PIK3C2G: variants seen among roughly 807,000 people sequenced by gnomAD.
PIK3C2G encodes the protein phosphatidylinositol-4-phosphate 3-kinase catalytic subunit type 2 gamma.
Under a neutral mutation model 181.1 loss-of-function variants are expected in PIK3C2G, and 168 were observed. The observed-to-expected ratio is 0.93, with a 90% CI of 0.82 to 1.05. The LOEUF (loss-of-function observed/expected upper bound fraction) is 1.05. Among genes scored for constraint, PIK3C2G ranks in the 50% least tolerant of loss-of-function variants. The probability of loss-of-function intolerance (pLI) is 0.00; values close to 1 mark genes in which losing one functional copy is unlikely to be tolerated. For missense variants in PIK3C2G, 1,869 were observed against 1,732.8 expected (o/e 1.08, Z -1.40); for synonymous variants, 573 against 592.2 (o/e 0.97, Z 0.47).
At chr12:18,340,719 CATGTTTAAAACAGAAAAATAAAATAATTT>C (rs1204284794) in intron 9 of PIK3C2G, among the ~76,000 whole-genome samples, 1 of 152,098 alleles carries the variant, frequency 6.6e-6, no homozygotes, top group Non-Finnish European at 1.5e-5. Context: ...TAATTTTCCT[CATGTTTAAAACAGAAAAATAAAATAATTT>C]CCTGAGTTCT....
intron 15 of PIK3C2G, among the ~76,000 whole-genome samples, chr12:18,396,108 C>T (rs1943876085): frequency 2.0e-5 from 3 of 151,270 alleles, no homozygotes; most frequent in South Asian, 2.1e-4. Context: ...AATTGTCAGC[C>T]TACATCAAAA....
At position 18,284,211 on chromosome 12, in the gene PIK3C2G, G is replaced by A. The variant is rs150601088; in HGVS notation, c.678+1452G>A. 1.2e-3 allele frequency among the ~76,000 whole-genome samples: 179 copies of A among 152,206 alleles called. 1 individual carries two copies. The highest frequency in any genetic ancestry group is 2.1e-3 in the Non-Finnish European group (145 of 68,020). On this transcript the variant is annotated intron_variant, in intron 2 of 32. Coordinates refer to ENST00000538779, the MANE Select transcript of PIK3C2G (RefSeq NM_001288772.2). The stretch of plus-strand genomic sequence containing the variant: ...AATTACACAGACTTGAAGTTACAAC[G>A]CAGAAATTTGGGCCAAATTAGAGAA...
At chr12:18,629,040 T>C (rs942856467) in intron 31 of PIK3C2G, among the ~76,000 whole-genome samples, 1 of 152,228 alleles carries the variant, frequency 6.6e-6, no homozygotes, top group African/African-American at 2.4e-5. Context: ...TACATATATT[T>C]GACAAAATAA....
the PIK3C2G span, among the ~76,000 whole-genome samples, chr12:18,660,220 T>C: frequency 5.9e-5 from 9 of 152,118 alleles, no homozygotes; most frequent in African/African-American, 2.2e-4. Flanking sequence ...TCCATCCCCA[T>C]TCTCCTGCGT....
the PIK3C2G span, among the ~76,000 whole-genome samples, chr12:18,665,088 C>A: frequency 6.6e-6 from 1 of 151,030 alleles, no homozygotes; most frequent in Non-Finnish European, 1.5e-5. Context: ...AGCACAACAG[C>A]ATGGCACATG....
At chr12:18,278,215 G>T (rs1036355788) in intron 1 of PIK3C2G, among the ~76,000 whole-genome samples, 6 of 152,150 alleles carry the variant, frequency 3.9e-5, no homozygotes, top group Non-Finnish European at 7.4e-5. Flanking sequence ...ACTGTACTAA[G>T]ATCAAGATTT....
chr12:18,706,271 T>C, the PIK3C2G span, among the ~76,000 whole-genome samples: 1 of 151,556 alleles, frequency 6.6e-6, no homozygotes, highest in Non-Finnish European at 1.5e-5. Flanking sequence ...AAGACAGAGC[T>C]ATCTATACTG....
At chr12:18,665,897 T>C in the PIK3C2G span, among the ~76,000 whole-genome samples, 2 of 150,042 alleles carry the variant, frequency 1.3e-5, no homozygotes, top group Non-Finnish European at 3.0e-5. Context: ...ATCGCGCCAT[T>C]GTACTCCAGC....
At chr12:18,676,113 G>C in the PIK3C2G span, among the ~76,000 whole-genome samples, 1 of 152,074 alleles carries the variant, frequency 6.6e-6, no homozygotes, top group African/African-American at 2.4e-5. Context: ...GGTGTCCTTA[G>C]ACATTGCCAT....
chr12:18,286,923 T>A lies in PIK3C2G; in HGVS notation c.755T>A (p.Val252Glu). The A allele has an allele frequency of 6.5e-7, 1 of 1,537,072 alleles. No individual in the cohort carries two copies. Among genetic ancestry groups the A allele is most frequent in the Admixed American group, 2.0e-5 (1 of 49,894 alleles). The change falls in exon 3 of 33, where the codon GTA becomes GAA. Residue 252 changes from valine (V) to glutamate (E), a missense_variant. Transcript: ENST00000538779. ...AGTCTGGCCTCTTTTTGCAACAAAGTAAAAAAGTGAGTACTGGTATTTCAT... is the reference window on the plus strand; with the variant it reads ...AGTCTGGCCTCTTTTTGCAACAAAGAAAAAAAGTGAGTACTGGTATTTCAT... ...NTSLASFCNK[V>E]KKIRERYHAA...
intron 6 of PIK3C2G, among the ~76,000 whole-genome samples, chr12:18,318,721 T>C (rs1258752151): frequency 6.6e-6 from 1 of 151,930 alleles, no homozygotes. Context: ...ATAATATTTT[T>C]ATTTTAAACT....
At chr12:18,521,695 T>C (rs1942928789) in intron 24 of PIK3C2G, among the ~76,000 whole-genome samples, 1 of 152,196 alleles carries the variant, frequency 6.6e-6, no homozygotes, top group South Asian at 2.1e-4. Flanking sequence ...GATCTTAGTT[T>C]GTTAGGTAGC....
chr12:18,567,680 T>G (rs539503262), intron 29 of PIK3C2G, among the ~76,000 whole-genome samples: 9 of 151,948 alleles, frequency 5.9e-5, no homozygotes, highest in South Asian at 4.2e-4. Flanking sequence ...TGAGTAGGAT[T>G]AAACAGAGGT....
At chr12:18,581,292 A>G (rs1946487837) in intron 29 of PIK3C2G, among the ~76,000 whole-genome samples, 1 of 152,370 alleles carries the variant, frequency 6.6e-6, no homozygotes, top group Middle Eastern at 3.4e-3. Context: ...TGAAAATCCT[A>G]TATTAGATAA....
At chr12:18,286,154 C>T (rs1400736469) in intron 2 of PIK3C2G, among the ~76,000 whole-genome samples, 1 of 151,976 alleles carries the variant, frequency 6.6e-6, no homozygotes, top group East Asian at 1.9e-4. Flanking sequence ...TACCTAATAA[C>T]AGTTTTAAAA....
chr12:18,591,596 A>G (rs952823677), intron 29 of PIK3C2G, among the ~76,000 whole-genome samples: 1 of 151,920 alleles, frequency 6.6e-6, no homozygotes. Context: ...AAAGGTAAGC[A>G]TTAAGCACCA....
chr12:18,349,969 C>T (rs1273103014), intron 11 of PIK3C2G, among the ~76,000 whole-genome samples: 1 of 152,258 alleles, frequency 6.6e-6, no homozygotes, highest in Non-Finnish European at 1.5e-5. Context: ...TTACATGGGT[C>T]TCGACAGCAG....
At chr12:18,257,094 C>A (rs749859153), upstream of PIK3C2G, among the ~76,000 whole-genome samples, 1 of 152,146 alleles carries the variant, frequency 6.6e-6, no homozygotes, top group Non-Finnish European at 1.5e-5. Context: ...ATGCTTTAAT[C>A]TTTAAGGACA....
chr12:18,598,981 T>C (rs1947541526), intron 30 of PIK3C2G, among the ~76,000 whole-genome samples: 1 of 149,910 alleles, frequency 6.7e-6, no homozygotes, highest in Admixed American at 6.6e-5. Flanking sequence ...TGGCAATCAT[T>C]AAAAAGTCAG....
Sources: allele counts gnomAD v4.1 joint callset (sites outside exome capture counted in the v4.1 genomes callset), GRCh38; gene constraint gnomAD v4.1.1; transcripts MANE v1.5; gene names NCBI Gene and HGNC (gene_info 2026-07-23, HGNC 2026-07-21).